SQSTM1: variants seen among roughly 807,000 people sequenced by gnomAD.
The protein encoded by SQSTM1 is sequestosome-1.
Under a neutral mutation model 45.1 loss-of-function variants are expected in SQSTM1, and 36 were observed. The observed-to-expected ratio is 0.80, with a 90% CI of 0.61 to 1.05. The LOEUF is 1.05. SQSTM1 is among the 50% of genes least tolerant of loss of function. The pLI, the probability that SQSTM1 is intolerant of heterozygous loss-of-function variation, is 0.00. For missense variants in SQSTM1, 617 were observed against 607.1 expected (o/e 1.02, Z -0.17); for synonymous variants, 290 against 244.3 (o/e 1.19, Z -1.74).
chr5:179,811,008 C>T (rs13356706), intron 1 of SQSTM1, among the ~76,000 whole-genome samples: 2,961 of 152,110 alleles, frequency 0.019, 83 homozygotes, highest in African/African-American at 0.068. Flanking sequence ...TTTGGGAGGC[C>T]GAGACGGGCG....
chr5:179,834,769 A>G (rs1227216473), intron 7 of SQSTM1, among the ~76,000 whole-genome samples: 11 of 152,248 alleles, frequency 7.2e-5, no homozygotes, highest in Non-Finnish European at 1.0e-4. Flanking sequence ...TTTTCTTAGT[A>G]CAGAACAAAA....
At chr5:179,814,752 G>A (rs1243103767), upstream of SQSTM1, among the ~76,000 whole-genome samples, 1 of 152,190 alleles carries the variant, frequency 6.6e-6, no homozygotes, top group African/African-American at 2.4e-5. Flanking sequence ...GAACAGGTGA[G>A]TTAAATGCAG....
At chr5:179,830,460 T>G (rs1758163331) in intron 5 of SQSTM1, among the ~76,000 whole-genome samples, 1 of 152,166 alleles carries the variant, frequency 6.6e-6, no homozygotes, top group South Asian at 2.1e-4. Context: ...AGTGGTACAG[T>G]TGTCTTCATC....
chr5:179,828,871 G>C (rs1281178327), intron 5 of SQSTM1, among the ~76,000 whole-genome samples: 1 of 152,234 alleles, frequency 6.6e-6, no homozygotes, highest in Non-Finnish European at 1.5e-5. Context: ...AGACAAAGAT[G>C]TGATCAGATT....
chr5:179,812,098 C>T (rs1757444401), intron 2 of SQSTM1: 1 of 152,286 alleles, frequency 6.6e-6, no homozygotes, highest in Non-Finnish European at 1.5e-5. Flanking sequence ...GCCACCGCGC[C>T]CACCCCTCCA....
At chr5:179,836,095 C>G in intron 7 of SQSTM1, 2 of 426,102 alleles carry the variant, frequency 4.7e-6, no homozygotes, top group Non-Finnish European at 8.7e-6. Flanking sequence ...CCCATCATCT[C>G]TTGCATGGAG....
intron 2 of SQSTM1, 191 bp from the exon 3 acceptor site, chr5:179,823,667 C>G (rs1029888231): frequency 6.4e-6 from 4 of 622,112 alleles, no homozygotes; most frequent in Non-Finnish European, 1.1e-5. Flanking sequence ...CAAACAGACA[C>G]AGGGACTGGG....
In SQSTM1 at chr5:179,824,098, C is replaced by A; in HGVS notation, c.531+11C>A. 1 of 1,613,764 alleles carries A rather than the reference C, an allele frequency of 6.2e-7. No individual in the cohort carries two copies. Among genetic ancestry groups the A allele is most frequent in the East Asian group, 2.2e-5 (1 of 44,876 alleles). On this transcript the variant is annotated intron_variant, in intron 3 of 7. Coordinates refer to ENST00000389805, the MANE Select transcript of SQSTM1 (RefSeq NM_003900.5). Reference sequence around the variant, plus strand: ...GGGCACCTGTCTGAGGTGAGCAGGCCCTCTGTGCAGGCCTGGGGTGGGCTC... The same window carrying A: ...GGGCACCTGTCTGAGGTGAGCAGGCACTCTGTGCAGGCCTGGGGTGGGCTC...
Position 179,837,131 on chromosome 5 carries a change from G to A in SQSTM1, c.*538G>A. 3.3e-6 allele frequency: 4 copies of A among 1,223,510 alleles called. No individual in the cohort carries two copies. The highest frequency in any genetic ancestry group is 4.6e-6 in the Non-Finnish European group (4 of 861,706). 75.8% of individuals were successfully genotyped at this position (1,223,510 alleles called of 1,614,324 possible). ...TGGTTTCACTGAGAGCTGCCTCCTG[G>A]TCTCTTCACCACTGTAGTTCTCTCA... is the stretch of plus-strand genomic sequence containing the variant. On this transcript the variant is annotated 3_prime_UTR_variant, in exon 8 of 8. Transcript: ENST00000389805.
chr5:179,813,116 C>T (rs1757480678), intron 2 of SQSTM1: 1 of 152,104 alleles, frequency 6.6e-6, no homozygotes, highest in South Asian at 2.1e-4. Context: ...CCTAAAGCCT[C>T]ACCTCACCTG....
intron 5 of SQSTM1, among the ~76,000 whole-genome samples, chr5:179,826,166 G>A (rs1394117564): frequency 1.3e-5 from 2 of 151,220 alleles, no homozygotes; most frequent in Admixed American, 6.6e-5. Context: ...TGCTCATTCC[G>A]ATTTTTTTTT....
At position 179,806,543 on chromosome 5, in the gene SQSTM1, A is replaced by G; in HGVS notation, c.-205A>G. On this transcript the variant is annotated 5_prime_UTR_variant, in exon 1 of 6. Transcript: ENST00000514093. This position sits in a 1 kb window ranked among gnomAD's most constrained non-coding sequence, Gnocchi z 4.6. ...CAGCGAGAGGAAGGCGCACAGGCAG[A>G]AGAGCAGCAGCGTCAGGAAGGTGCC... 1 of 1,333,044 alleles carries G rather than the reference A, an allele frequency of 7.5e-7. No homozygotes were observed. Among genetic ancestry groups the G allele is most frequent in the Non-Finnish European group, 9.8e-7 (1 of 1,016,094 alleles). The allele number at this position is 1,333,044 out of a possible 1,614,324, so 82.6% of individuals were successfully genotyped here.
rs1206351053 is a variant in SQSTM1 at position 179,837,389 on chromosome 5, GATCACAC to G, written c.*801_*807del. 1.3e-6 allele frequency: 2 copies of G among 1,588,302 alleles called. No individual in the cohort carries two copies. The highest frequency in any genetic ancestry group is 1.7e-6 in the Non-Finnish European group (2 of 1,165,530). On this transcript the variant is annotated 3_prime_UTR_variant, in exon 8 of 8. Transcript: ENST00000389805. ...CTCGATTAATAACCTGCCAGTCCCAGATCACACATCATCATCGAAGTCTTCCCCAGTT... is the reference window on the plus strand; with the variant it reads ...CTCGATTAATAACCTGCCAGTCCCAGATCATCATCGAAGTCTTCCCCAGTT...
chr5:179,816,486 G>T (rs986159951), upstream of SQSTM1, among the ~76,000 whole-genome samples: 2 of 152,160 alleles, frequency 1.3e-5, no homozygotes, highest in Non-Finnish European at 2.9e-5. Context: ...GGAGGGGAGC[G>T]AGAGGGCCAT....
Position 179,824,086 on chromosome 5 carries a change from A to G in SQSTM1, c.530A>G (p.Glu177Gly), listed in dbSNP as rs1392938040. ...CCCAGCCCCTTCGGGCACCTGTCTG[A>G]GGTGAGCAGGCCCTCTGTGCAGGCC... ...AFPSPFGHLS[E>G]GFSHSRWLRK... The change falls in exon 3 of 8, where the codon GAG becomes GGG. Residue 177 changes from glutamate to glycine, a missense_variant and splice_region_variant. Glu to Gly is a moderately conservative substitution (Grantham distance 98). Coordinates refer to ENST00000389805, the MANE Select transcript of SQSTM1 (RefSeq NM_003900.5). The G allele has an allele frequency of 6.2e-7, 1 of 1,613,722 alleles. No homozygotes were observed. Among genetic ancestry groups the G allele is most frequent in the Non-Finnish European group, 8.5e-7 (1 of 1,180,028 alleles).
In SQSTM1 at chr5:179,837,005, G is replaced by C. The variant is rs1198187382; in HGVS notation, c.*412G>C. The C allele has an allele frequency of 6.5e-6, 4 of 614,952 alleles. No homozygotes were observed. The East Asian group carries it at 8.2e-5, about 13-fold the overall frequency. 38.1% of individuals were successfully genotyped at this position (614,952 alleles called of 1,614,324 possible). On this transcript the variant is annotated 3_prime_UTR_variant, in exon 8 of 8. Transcript: ENST00000389805. ...ACAGACCTGGTACACTCTGATTTTA[G>C]ATAAAGTAAGCCTAGGTGTTGTCAG...
At chr5:179,835,163 C>G in intron 7 of SQSTM1, 1 of 206,360 alleles carries the variant, frequency 4.8e-6, no homozygotes, top group Non-Finnish European at 1.0e-5. Flanking sequence ...ACATCTCAGA[C>G]GATGGGTGGC....
chr5:179,826,016 G>A (rs1757970676), intron 5 of SQSTM1, among the ~76,000 whole-genome samples: 1 of 152,154 alleles, frequency 6.6e-6, no homozygotes, highest in Non-Finnish European at 1.5e-5. Flanking sequence ...TTGTTTTTGT[G>A]ACTGCAGTGG....
intron 1 of SQSTM1, among the ~76,000 whole-genome samples, chr5:179,821,866 C>T (rs943446596): frequency 6.6e-6 from 1 of 152,192 alleles, no homozygotes; most frequent in South Asian, 2.1e-4. Flanking sequence ...CGGGAGGTGG[C>T]CAAGGCCGGC....
Sources: gnomAD v4.1 joint callset for allele counts (sites outside exome capture counted in the v4.1 genomes callset) on GRCh38, gnomAD v4.1.1 for gene constraint, Gnocchi (gnomAD v3.1) non-coding constraint, MANE v1.5 for transcripts, NCBI Gene and HGNC (gene_info 2026-07-23, HGNC 2026-07-21) for gene names.